The following KCNIP4 variants were observed in gnomAD, a reference collection of about 807,000 sequenced individuals.
The protein encoded by KCNIP4 is Kv channel-interacting protein 4.
A neutral mutation model predicts 34.0 loss-of-function variants in KCNIP4; 12 were observed. That is an observed-to-expected ratio of 0.35 (90% CI 0.23 to 0.57). The LOEUF (loss-of-function observed/expected upper bound fraction) is 0.57, where lower values mean the gene tolerates loss of function less well. Ranked by LOEUF, KCNIP4 falls within the 20% of genes least tolerant of loss-of-function variation. The pLI is 0.83. For missense variants in KCNIP4, 238 were observed against 311.7 expected (o/e 0.76, Z 1.78); for synonymous variants, 124 against 102.2 (o/e 1.21, Z -1.29).
intron 1 of KCNIP4, among the ~76,000 whole-genome samples, chr4:21,255,798 G>A (rs780309847): frequency 4.6e-5 from 7 of 152,138 alleles, no homozygotes; most frequent in South Asian, 2.1e-4. Flanking sequence ...TGACATTGAC[G>A]CGGTCCCCAA....
chr4:21,632,773 T>C (rs1267671213), intron 1 of KCNIP4, among the ~76,000 whole-genome samples: 1 of 152,066 alleles, frequency 6.6e-6, no homozygotes, highest in Non-Finnish European at 1.5e-5. Context: ...ACAAGAAGGG[T>C]ATCTGGAGCA....
chr4:21,857,083 A>C (rs1335561992), intron 1 of KCNIP4, among the ~76,000 whole-genome samples: 1 of 152,176 alleles, frequency 6.6e-6, no homozygotes, highest in African/African-American at 2.4e-5. Context: ...CCCACCTTCA[A>C]GTGGGGAAAG....
intron 1 of KCNIP4, among the ~76,000 whole-genome samples, chr4:21,119,455 C>A (rs1749960062): frequency 6.9e-6 from 1 of 144,192 alleles, no homozygotes; most frequent in African/African-American, 2.5e-5. Flanking sequence ...TCACACCAAC[C>A]CACAGACATC....
chr4:21,680,519 G>A (rs1416803865), intron 1 of KCNIP4, among the ~76,000 whole-genome samples: 1 of 152,158 alleles, frequency 6.6e-6, no homozygotes, highest in East Asian at 1.9e-4. Context: ...AACCTTTCCA[G>A]AAGGTTTTCA....
chr4:21,347,169 G>T (rs1437817463), intron 1 of KCNIP4, among the ~76,000 whole-genome samples: 1 of 152,164 alleles, frequency 6.6e-6, no homozygotes, highest in Non-Finnish European at 1.5e-5. Context: ...GGAACTTACT[G>T]CCTTGGTAAT....
intron 1 of KCNIP4, among the ~76,000 whole-genome samples, chr4:21,407,838 A>G (rs1055397136): frequency 3.3e-5 from 5 of 152,222 alleles, no homozygotes; most frequent in African/African-American, 1.2e-4. Context: ...TTAAGGAGAA[A>G]AAGAATAAAA....
chr4:20,880,279 A>G (rs1724531202), intron 2 of KCNIP4, among the ~76,000 whole-genome samples: 1 of 152,102 alleles, frequency 6.6e-6, no homozygotes, highest in Non-Finnish European at 1.5e-5. Flanking sequence ...ACTGTCCTGA[A>G]CATGAGAGAC....
At chr4:21,747,445 C>T (rs1023852367) in intron 1 of KCNIP4, among the ~76,000 whole-genome samples, 1 of 152,138 alleles carries the variant, frequency 6.6e-6, no homozygotes, top group African/African-American at 2.4e-5. Context: ...GAGAAATATA[C>T]AGCAAGGTGT....
chr4:21,827,543 T>C (rs1722745469), intron 1 of KCNIP4, among the ~76,000 whole-genome samples: 1 of 151,950 alleles, frequency 6.6e-6, no homozygotes, highest in Non-Finnish European at 1.5e-5. Context: ...TAATCAAGCA[T>C]CAAAGTTTGG....
chr4:21,434,371 T>C (rs1342776849), intron 1 of KCNIP4, among the ~76,000 whole-genome samples: 3 of 152,216 alleles, frequency 2.0e-5, no homozygotes, highest in Non-Finnish European at 4.4e-5. Flanking sequence ...ATGTTATCAA[T>C]TGAATATATT....
chr4:21,003,245 C>T lies in KCNIP4; in HGVS notation c.62-120536G>A, dbSNP rs376141141. Among the ~76,000 whole-genome samples, 4 of 152,290 alleles carry T rather than the reference C, an allele frequency of 2.6e-5. No homozygotes were observed. In the East Asian group the frequency reaches 5.8e-4, roughly 22 times the overall value. ...ACATCTGATTTCAAAATCTGCTCCTCCCTTTCTACCAACGTCTATCTTCCC... is the reference window on the plus strand; with the variant it reads ...ACATCTGATTTCAAAATCTGCTCCTTCCTTTCTACCAACGTCTATCTTCCC... On this transcript the variant is annotated intron_variant, in intron 1 of 8. Coordinates refer to ENST00000382152, the MANE Select transcript of KCNIP4 (RefSeq NM_025221.6).
At chr4:21,120,993 GA>G (rs1334645002) in intron 1 of KCNIP4, among the ~76,000 whole-genome samples, 1 of 152,228 alleles carries the variant, frequency 6.6e-6, no homozygotes, top group Non-Finnish European at 1.5e-5. Context: ...GAATTCTGTA[GA>G]AAAGGAAGCT....
intron 1 of KCNIP4, among the ~76,000 whole-genome samples, chr4:21,441,288 C>T (rs1394872936): frequency 6.6e-6 from 1 of 151,908 alleles, no homozygotes; most frequent in Admixed American, 6.6e-5. Context: ...ACTACAGGTG[C>T]CCACCACCAC....
At chr4:20,742,894 A>G (rs965106711) in intron 5 of KCNIP4, among the ~76,000 whole-genome samples, 2 of 152,156 alleles carry the variant, frequency 1.3e-5, no homozygotes, top group Admixed American at 6.5e-5. Context: ...CAATGTGCAA[A>G]AATCACAGGC....
rs373554454 is a variant in KCNIP4, at chr4:21,773,767, G to GTTTTTT, written c.61+174803_61+174804insAAAAAA. 1.4e-3 allele frequency among the ~76,000 whole-genome samples: 197 copies of GTTTTTT among 138,340 alleles called. 2 individuals are homozygous for GTTTTTT. The highest frequency in any genetic ancestry group is 5.6e-3 in the African/African-American group (185 of 33,124). 90.8% of individuals were successfully genotyped at this position (138,340 alleles called of 152,430 possible). A position where few individuals can be genotyped will look rare whatever the true frequency, so the allele number is the denominator to read the frequency against. ...GTTGTTTTTTTTTTTTTGTTTGTTT[G>GTTTTTT]TTTTTGTTTTGTTTACCATTTGCTT... is the stretch of plus-strand genomic sequence containing the variant. On this transcript the variant is annotated intron_variant, in intron 1 of 8. Coordinates refer to ENST00000382152, the MANE Select transcript of KCNIP4 (RefSeq NM_025221.6).
intron 2 of KCNIP4, 169 bp from the exon 3 acceptor site, chr4:20,850,836 T>A: frequency 4.9e-6 from 3 of 617,442 alleles, no homozygotes; most frequent in Non-Finnish European, 7.6e-6. Context: ...TTTAAGCGTA[T>A]TAAGCTAAAA....
At chr4:20,736,358 A>G (rs768168507) in intron 5 of KCNIP4, among the ~76,000 whole-genome samples, 2 of 151,976 alleles carry the variant, frequency 1.3e-5, no homozygotes, top group Non-Finnish European at 2.9e-5. Context: ...CATTATTTCT[A>G]GGTATTTTAA....
rs115259163 is a variant in KCNIP4 at position 21,676,418 on chromosome 4, T to C, written c.61+272153A>G. On this transcript the variant is annotated intron_variant, in intron 1 of 8. Transcript: ENST00000382152. ...CTTCCCTTGGAAATCCTAGTGAAGGTACCCAATTGCCTCTCCATTCTTGTT... is the reference window on the plus strand; with the variant it reads ...CTTCCCTTGGAAATCCTAGTGAAGGCACCCAATTGCCTCTCCATTCTTGTT... 9.0e-3 allele frequency among the ~76,000 whole-genome samples: 1,373 copies of C among 152,332 alleles called. 24 individuals carry two copies. Among genetic ancestry groups the C allele is most frequent in the African/African-American group, 0.028 (1,173 of 41,574 alleles).
At chr4:21,654,923 C>CA (rs879270762) in intron 1 of KCNIP4, among the ~76,000 whole-genome samples, 1,501 of 139,924 alleles carry the variant, frequency 0.011, 23 homozygotes, top group African/African-American at 0.036. Flanking sequence ...GACTCTGTCT[C>CA]AAAAAAAAAA....
Sources: allele counts gnomAD v4.1 joint callset (sites outside exome capture counted in the v4.1 genomes callset), GRCh38; gene constraint gnomAD v4.1.1; transcripts MANE v1.5; gene names NCBI Gene and HGNC (gene_info 2026-07-23, HGNC 2026-07-21).